PAIP2: variants seen among roughly 807,000 people sequenced by gnomAD.
The protein encoded by PAIP2 is poly(A) binding protein interacting protein 2.
Under a neutral mutation model 14.8 loss-of-function variants are expected in PAIP2, and 7 were observed. The ratio of observed to expected loss-of-function variants is 0.47; its 90% CI spans 0.27 to 0.89. The LOEUF is 0.89. PAIP2 is among the 40% of genes least tolerant of loss of function. The pLI is 0.13. For synonymous variants in PAIP2, 47 were observed against 45.3 expected, an observed-to-expected ratio of 1.04 and a Z score of -0.15; for missense variants, 122 against 154.7, an observed-to-expected ratio of 0.79 and a Z score of 1.12.
At chr5:139,351,908 C>T (rs1027383459) in intron 1 of PAIP2, among the ~76,000 whole-genome samples, 10 of 152,282 alleles carry the variant, frequency 6.6e-5, no homozygotes, top group South Asian at 6.2e-4. Context: ...GATCCTCCCG[C>T]ATCGGCCTAC....
At chr5:139,365,467 G>A (rs1757197574) in intron 3 of PAIP2, among the ~76,000 whole-genome samples, 1 of 151,466 alleles carries the variant, frequency 6.6e-6, no homozygotes, top group African/African-American at 2.4e-5. Flanking sequence ...TCCAGCCTGG[G>A]CAACAGAGTG....
At chr5:139,361,921 G>A (rs899074563) in intron 1 of PAIP2, among the ~76,000 whole-genome samples, 6 of 141,642 alleles carry the variant, frequency 4.2e-5, no homozygotes, top group African/African-American at 1.3e-4. Flanking sequence ...ACTCGTCTGG[G>A]TGAGACCCTG....
At position 139,364,733 on chromosome 5, in the gene PAIP2, A is replaced by G. The variant is rs751697037; in HGVS notation, c.308A>G (p.Glu103Gly). 6.3e-7 allele frequency: 1 copy of G among 1,598,780 alleles called. No individual in the cohort carries two copies. The highest frequency in any genetic ancestry group is 1.7e-5 in the Admixed American group (1 of 57,386). ...DLVISDGSSL[E>G]DLVVKSNLNP... ...GTTATCAGTGATGGCTCTTCTCTGG[A>G]AGATCTTGTGGTAAAAAGTTATTTT... The change falls in exon 3 of 4, where the codon GAA becomes GGA. Residue 103 changes from glutamate (E) to glycine (G), a missense_variant. Coordinates refer to ENST00000265192, the MANE Select transcript of PAIP2 (RefSeq NM_016480.5).
chr5:139,356,062 C>A (rs754872107), intron 1 of PAIP2, among the ~76,000 whole-genome samples: 1 of 152,114 alleles, frequency 6.6e-6, no homozygotes, highest in Non-Finnish European at 1.5e-5. Context: ...CACTTGAACC[C>A]AGGAGGCAGA....
intron 1 of PAIP2, among the ~76,000 whole-genome samples, chr5:139,360,024 T>G (rs1241165280): frequency 6.6e-6 from 1 of 151,944 alleles, no homozygotes; most frequent in East Asian, 1.9e-4. Context: ...CAGAGTGCAG[T>G]GGCGCAGTCT....
intron 3 of PAIP2, among the ~76,000 whole-genome samples, chr5:139,367,939 C>T (rs369847451): frequency 6.6e-6 from 1 of 152,178 alleles, no homozygotes; most frequent in Non-Finnish European, 1.5e-5. Context: ...TGCAGTGGCT[C>T]ACGCCTGTAG....
At chr5:139,347,891 G>C (rs547788077) in intron 1 of PAIP2, among the ~76,000 whole-genome samples, 1 of 152,078 alleles carries the variant, frequency 6.6e-6, no homozygotes, top group South Asian at 2.1e-4. Context: ...GAAACAACTC[G>C]GCCAGTGTGG....
chr5:139,356,953 T>C (rs541751545), intron 1 of PAIP2, among the ~76,000 whole-genome samples: 17 of 152,086 alleles, frequency 1.1e-4, no homozygotes, highest in Admixed American at 5.2e-4. Flanking sequence ...AATTAGATTC[T>C]CCCCAGGTTT....
At chr5:139,343,718 T>G (rs546524813) in intron 1 of PAIP2, among the ~76,000 whole-genome samples, 3 of 148,918 alleles carry the variant, frequency 2.0e-5, no homozygotes, top group South Asian at 4.3e-4. Flanking sequence ...GTTTTTTTTT[T>G]TTTTTTTTTT....
intron 1 of PAIP2, among the ~76,000 whole-genome samples, chr5:139,356,150 T>TTAAA (rs1160400159): frequency 1.4e-5 from 2 of 139,890 alleles, no homozygotes; most frequent in East Asian, 4.3e-4. Flanking sequence ...AAACGATACG[T>TTAAA]TAAATAAATA....
At chr5:139,343,708 G>GTTTTTT (rs61419083) in intron 1 of PAIP2, among the ~76,000 whole-genome samples, 5 of 130,948 alleles carry the variant, frequency 3.8e-5, no homozygotes, top group African/African-American at 5.8e-5. Flanking sequence ...GGCAGAGCAA[G>GTTTTTT]TTTTTTTTTT....
chr5:139,362,364 G>A (rs961035120), intron 1 of PAIP2, among the ~76,000 whole-genome samples: 4 of 150,024 alleles, frequency 2.7e-5, no homozygotes, highest in Non-Finnish European at 4.4e-5. Flanking sequence ...GGGATTACAG[G>A]CATGTACCAC....
chr5:139,353,345 A>G (rs1388374854), intron 1 of PAIP2, among the ~76,000 whole-genome samples: 1 of 151,668 alleles, frequency 6.6e-6, no homozygotes, highest in Non-Finnish European at 1.5e-5. Context: ...GCCAGGGGAG[A>G]CTCTCAACAT....
intron 1 of PAIP2, among the ~76,000 whole-genome samples, chr5:139,357,174 C>T (rs1361741891): frequency 6.6e-6 from 1 of 152,180 alleles, no homozygotes; most frequent in African/African-American, 2.4e-5. Context: ...TGAGGCACAC[C>T]TTCAACAGCT....
intron 1 of PAIP2, among the ~76,000 whole-genome samples, chr5:139,351,186 G>A (rs1384849582): frequency 5.9e-5 from 9 of 152,054 alleles, no homozygotes; most frequent in Non-Finnish European, 1.5e-5. Context: ...CAGTATAATA[G>A]GAATGCGTAT....
intron 1 of PAIP2, among the ~76,000 whole-genome samples, chr5:139,357,805 T>C (rs1324330105): frequency 5.3e-5 from 8 of 152,200 alleles, no homozygotes; most frequent in Non-Finnish European, 4.4e-5. Flanking sequence ...CACTCCAGCC[T>C]GGGCAACAGA....
chr5:139,352,503 T>TTTTTTTTTTTTTTTG lies in PAIP2; in HGVS notation c.-27+10534_-27+10535insTTTGTTTTTTTTTTT, dbSNP rs1422182919. Among the ~76,000 whole-genome samples, 6 of 124,458 alleles carry TTTTTTTTTTTTTTTG rather than the reference T, an allele frequency of 4.8e-5. 1 individual carries two copies. The highest frequency in any genetic ancestry group is 8.3e-5 in the Non-Finnish European group (5 of 59,944). 81.6% of individuals were successfully genotyped at this position (124,458 alleles called of 152,430 possible). A position where few individuals can be genotyped will look rare whatever the true frequency, so the allele number is the denominator to read the frequency against. On this transcript the variant is annotated intron_variant, in intron 1 of 3. Coordinates refer to ENST00000265192, the MANE Select transcript of PAIP2 (RefSeq NM_016480.5). Reference sequence around the variant, plus strand: ...ATTCCTGCCAGTTTTTTTTTTGTTGTTTTTTTTTTTTGAGATGGAGTTTCG... The same window carrying TTTTTTTTTTTTTTTG: ...ATTCCTGCCAGTTTTTTTTTTGTTGTTTTTTTTTTTTTTTGTTTTTTTTTTTGAGATGGAGTTTCG...
At position 139,363,751 on chromosome 5, in the gene PAIP2, C is replaced by T. The variant is rs1757139862; in HGVS notation, c.-26-8C>T. ...TAAGTAAATTAACTGTGCTGTTGTT[C>T]TTTTAAGGTTAAAAACGACAACCAA... On this transcript the variant is annotated splice_polypyrimidine_tract_variant and splice_region_variant and intron_variant, in intron 1 of 3. Coordinates refer to ENST00000265192, the MANE Select transcript of PAIP2 (RefSeq NM_016480.5). 1 of 1,609,182 alleles carries T rather than the reference C, an allele frequency of 6.2e-7. No homozygotes were observed. The highest frequency in any genetic ancestry group is 1.3e-5 in the African/African-American group (1 of 74,762).
chr5:139,343,968 G>A (rs1036692117), intron 1 of PAIP2, among the ~76,000 whole-genome samples: 1 of 152,018 alleles, frequency 6.6e-6, no homozygotes, highest in Non-Finnish European at 1.5e-5. Flanking sequence ...CGCCCCCGTC[G>A]GCCTCCCAAC....
Sources: allele counts gnomAD v4.1 joint callset (sites outside exome capture counted in the v4.1 genomes callset), GRCh38; gene constraint gnomAD v4.1.1; transcripts MANE v1.5; gene names NCBI Gene and HGNC (gene_info 2026-07-23, HGNC 2026-07-21).